TP63: variants seen among roughly 807,000 people sequenced by gnomAD.
TP63 encodes tumor protein 63.
A neutral mutation model predicts 82.8 loss-of-function variants in TP63; 17 were observed. That is an observed-to-expected ratio of 0.21 (90% CI 0.14 to 0.31). The LOEUF is 0.31. Among genes scored for constraint, TP63 ranks in the 10% least tolerant of loss-of-function variants. TP63 has a pLI of 1.00. For synonymous variants in TP63, 330 were observed against 321.7 expected (o/e 1.03, Z -0.28); for missense variants, 648 against 895.3 (o/e 0.72, Z 3.52).
intron 1 of TP63, among the ~76,000 whole-genome samples, chr3:189,726,984 A>G (rs375621717): frequency 5.9e-5 from 9 of 152,330 alleles, no homozygotes; most frequent in African/African-American, 2.2e-4. Flanking sequence ...GCAGCCATAT[A>G]CCAACACCTA....
At chr3:189,625,003 A>T in the TP63 span, among the ~76,000 whole-genome samples, 17 of 152,184 alleles carry the variant, frequency 1.1e-4, no homozygotes, top group Admixed American at 3.3e-4. Context: ...TTGGACCCTA[A>T]AAAATCCCAC....
chr3:189,759,211 A>G (rs1030955572), intron 3 of TP63, among the ~76,000 whole-genome samples: 1 of 152,220 alleles, frequency 6.6e-6, no homozygotes. Context: ...AAGAAATGCA[A>G]ATTATTGGAT....
chr3:189,847,722 G>C (rs189493401), intron 4 of TP63, among the ~76,000 whole-genome samples: 4 of 152,272 alleles, frequency 2.6e-5, no homozygotes, highest in African/African-American at 7.2e-5. Context: ...GAGTAGAGTT[G>C]ATTCTTAAAG....
intron 4 of TP63, among the ~76,000 whole-genome samples, chr3:189,857,849 G>T (rs970099119): frequency 6.6e-6 from 1 of 152,216 alleles, no homozygotes; most frequent in Non-Finnish European, 1.5e-5. Flanking sequence ...TAGCGAGGAT[G>T]TGGAGAGAAG....
At chr3:189,813,893 C>G (rs962507093) in intron 4 of TP63, among the ~76,000 whole-genome samples, 4 of 152,190 alleles carry the variant, frequency 2.6e-5, no homozygotes, top group African/African-American at 9.6e-5. Context: ...TTCCCTGTAG[C>G]CTTCACCCAT....
At position 189,860,359 on chromosome 3, in the gene TP63, G is replaced by T. The variant is rs150528666; in HGVS notation, c.580-3873G>T. 3.3e-5 allele frequency among the ~76,000 whole-genome samples: 5 copies of T among 152,248 alleles called. No individual in the cohort carries two copies. In the South Asian group the frequency reaches 8.3e-4, roughly 25 times the overall value. On this transcript the variant is annotated intron_variant, in intron 4 of 13. Coordinates refer to ENST00000264731, the MANE Select transcript of TP63 (RefSeq NM_003722.5). ...CCCATGTTCCAATCTTGCAGAAGCCGGGAAAATTGGAGATGATGGTGCTAT... is the reference window on the plus strand; with the variant it reads ...CCCATGTTCCAATCTTGCAGAAGCCTGGAAAATTGGAGATGATGGTGCTAT...
At chr3:189,688,208 C>G (rs982827424) in intron 1 of TP63, among the ~76,000 whole-genome samples, 3 of 152,066 alleles carry the variant, frequency 2.0e-5, no homozygotes, top group African/African-American at 7.2e-5. Flanking sequence ...TTATAAAATG[C>G]CTTAGAGATA....
chr3:189,707,416 T>C (rs1482552659), intron 1 of TP63, among the ~76,000 whole-genome samples: 1 of 152,176 alleles, frequency 6.6e-6, no homozygotes, highest in Non-Finnish European at 1.5e-5. Context: ...TATGTTGAAT[T>C]GTAGGTGAAT....
chr3:189,840,857 CAAAAA>C (rs58360712), intron 4 of TP63, among the ~76,000 whole-genome samples: 114 of 97,296 alleles, frequency 1.2e-3, no homozygotes, highest in Non-Finnish European at 1.3e-3. Context: ...ACTCAGTCTC[CAAAAA>C]AAAAAAAAAA....
intron 4 of TP63, among the ~76,000 whole-genome samples, chr3:189,821,981 C>G (rs1728839476): frequency 6.6e-6 from 1 of 152,052 alleles, no homozygotes; most frequent in African/African-American, 2.4e-5. Context: ...CCTAAGGAAA[C>G]AGGAGGGTGT....
chr3:189,787,806 G>A (rs760565948), intron 3 of TP63, among the ~76,000 whole-genome samples: 1 of 151,974 alleles, frequency 6.6e-6, no homozygotes, highest in African/African-American at 2.4e-5. Flanking sequence ...ATTCCCAAGC[G>A]TGACTCATCC....
chr3:189,827,315 C>T (rs2108689401), intron 4 of TP63, among the ~76,000 whole-genome samples: 1 of 152,288 alleles, frequency 6.6e-6, no homozygotes, highest in South Asian at 2.1e-4. Flanking sequence ...TCATTGGAAG[C>T]ATTAATTGTA....
At chr3:189,673,480 AAAAT>A (rs1270114271) in intron 1 of TP63, among the ~76,000 whole-genome samples, 1 of 152,158 alleles carries the variant, frequency 6.6e-6, no homozygotes, top group African/African-American at 2.4e-5. Context: ...AAAAATTACA[AAAAT>A]AAATCTATCA....
intron 9 of TP63, among the ~76,000 whole-genome samples, chr3:189,872,259 A>G (rs1718511871): frequency 2.6e-5 from 1 of 38,812 alleles, no homozygotes; most frequent in East Asian, 3.1e-3. Flanking sequence ...GGTCACATAC[A>G]TTTCACAACA....
rs1719011185 is a variant in TP63, at chr3:189,875,609, T to TATATATATATATATATACACAC, written c.1349+2631_1349+2632insCACACATATATATATATATATA. Among the ~76,000 whole-genome samples, 69 of 62,986 alleles carry TATATATATATATATATACACAC rather than the reference T, an allele frequency of 1.1e-3. 5 individuals carry two copies. Among genetic ancestry groups the TATATATATATATATATACACAC allele is most frequent in the Middle Eastern group, 9.1e-3 (1 of 110 alleles). The allele number at this position is 62,986 out of a possible 152,430, so 41.3% of individuals were successfully genotyped here. On this transcript the variant is annotated intron_variant, in intron 10 of 13. Coordinates refer to ENST00000264731, the MANE Select transcript of TP63 (RefSeq NM_003722.5). ...AAATACATACATATATATATATATATATATATATATATATATATATATATA... is the reference window on the plus strand; with the variant it reads ...AAATACATACATATATATATATATATATATATATATATATATACACACATATATATATATATATATATATATA...
At chr3:189,769,953 G>T (rs149235484) in intron 3 of TP63, among the ~76,000 whole-genome samples, 1 of 152,274 alleles carries the variant, frequency 6.6e-6, no homozygotes, top group East Asian at 1.9e-4. Flanking sequence ...TCACAGACTG[G>T]TTCATAACTT....
chr3:189,647,688 C>G (rs1712537855), intron 1 of TP63, among the ~76,000 whole-genome samples: 1 of 146,432 alleles, frequency 6.8e-6, no homozygotes, highest in Non-Finnish European at 1.5e-5. Context: ...GTATGCAGCC[C>G]TTGTAGGAAG....
At chr3:189,865,838 A>G (rs1271240228) in intron 5 of TP63, among the ~76,000 whole-genome samples, 1 of 152,234 alleles carries the variant, frequency 6.6e-6, no homozygotes, top group Non-Finnish European at 1.5e-5. Context: ...TTGGTATTTC[A>G]CCAAGATAAC....
chr3:189,875,619 T>TATACACAC (rs1719050319), intron 10 of TP63, among the ~76,000 whole-genome samples: 1 of 103,332 alleles, frequency 9.7e-6, no homozygotes, highest in Non-Finnish European at 2.0e-5. Context: ...TATATATATA[T>TATACACAC]ATATATATAT....
Sources: allele counts gnomAD v4.1 joint callset (sites outside exome capture counted in the v4.1 genomes callset), GRCh38; gene constraint gnomAD v4.1.1; transcripts MANE v1.5; gene names NCBI Gene and HGNC (gene_info 2026-07-23, HGNC 2026-07-21).